Variants in PRKAR1A observed in about 807,000 individuals in gnomAD.
The protein encoded by PRKAR1A is protein kinase cAMP-dependent type I regulatory subunit alpha.
Under a neutral mutation model 52.0 loss-of-function variants are expected in PRKAR1A, and 3 were observed. That is an observed-to-expected ratio of 0.06 (90% CI 0.03 to 0.15). PRKAR1A has a LOEUF of 0.15. Among genes scored for constraint, PRKAR1A ranks in the 10% least tolerant of loss-of-function variants. The pLI is 1.00. For synonymous variants in PRKAR1A, 188 were observed against 168.4 expected (o/e 1.12, Z -0.90); for missense variants, 240 against 477.4 (o/e 0.50, Z 4.63).
the PRKAR1A span, among the ~76,000 whole-genome samples, chr17:68,438,355 T>C: frequency 6.6e-6 from 1 of 152,214 alleles, no homozygotes. Flanking sequence ...TCACCCCTTC[T>C]GAATTCTTTG....
the PRKAR1A span, among the ~76,000 whole-genome samples, chr17:68,486,359 C>T: frequency 6.6e-6 from 1 of 151,776 alleles, no homozygotes; most frequent in Admixed American, 6.6e-5. Flanking sequence ...TTCTCATCCC[C>T]CTCTTCCTCT....
At chr17:68,427,065 G>T in the PRKAR1A span, 1 of 1,281,270 alleles carries the variant, frequency 7.8e-7, no homozygotes, top group South Asian at 1.2e-5. Context: ...GAAGGGGAGG[G>T]AGCGTGCAGG....
chr17:68,526,685 A>T (rs1480709301), intron 7 of PRKAR1A, among the ~76,000 whole-genome samples: 1 of 151,984 alleles, frequency 6.6e-6, no homozygotes, highest in Non-Finnish European at 1.5e-5. Flanking sequence ...ACCAAACCAC[A>T]TGTTCTCACT....
the PRKAR1A span, among the ~76,000 whole-genome samples, chr17:68,500,415 C>A: frequency 2.6e-5 from 4 of 152,212 alleles, no homozygotes; most frequent in African/African-American, 9.6e-5. Context: ...GTAAGACATG[C>A]CTTTTGCCTT....
chr17:68,476,650 C>A, the PRKAR1A span, among the ~76,000 whole-genome samples: 1 of 150,946 alleles, frequency 6.6e-6, no homozygotes, highest in Non-Finnish European at 1.5e-5. Context: ...CTCCCTCCAT[C>A]CCTCCCTCTC....
At chr17:68,420,101 T>C in the PRKAR1A span, 2 of 1,449,880 alleles carry the variant, frequency 1.4e-6, no homozygotes, top group African/African-American at 2.8e-5. Flanking sequence ...TATGTTTGAA[T>C]TAATGTAGAA....
At chr17:68,455,278 G>T in the PRKAR1A span, among the ~76,000 whole-genome samples, 3 of 149,534 alleles carry the variant, frequency 2.0e-5, no homozygotes, top group Admixed American at 2.0e-4. Flanking sequence ...CAGGAGAATC[G>T]CTTGAACCCT....
chr17:68,529,851 G>C (rs145930467), intron 9 of PRKAR1A, 69 bp from the exon 10 acceptor site: 9 of 1,424,706 alleles, frequency 6.3e-6, no homozygotes, highest in African/African-American at 1.4e-5. Context: ...AAATTGCATA[G>C]GATGTTTAAG....
chr17:68,508,825 C>T (rs908374055), upstream of PRKAR1A, among the ~76,000 whole-genome samples: 2 of 152,024 alleles, frequency 1.3e-5, no homozygotes, highest in African/African-American at 2.4e-5. Flanking sequence ...GATAAACACC[C>T]CTCCTTAGTT....
At chr17:68,525,960 G>A (rs753533387) in intron 7 of PRKAR1A, 48 bp downstream of exon 7, 10 of 1,591,678 alleles carry the variant, frequency 6.3e-6, no homozygotes, top group South Asian at 2.2e-5. Context: ...TCTCATCTAC[G>A]TAACTAATGT....
At chr17:68,498,038 G>A in the PRKAR1A span, among the ~76,000 whole-genome samples, 10 of 151,782 alleles carry the variant, frequency 6.6e-5, no homozygotes, top group Admixed American at 1.3e-4. Context: ...TAAGCTAGAT[G>A]GATGCAACCA....
chr17:68,429,107 G>T, the PRKAR1A span, among the ~76,000 whole-genome samples: 83 of 152,186 alleles, frequency 5.5e-4, no homozygotes, highest in Non-Finnish European at 1.0e-3. Flanking sequence ...TCTGGCCTTG[G>T]GATCTACTTT....
At chr17:68,502,820 C>T in the PRKAR1A span, among the ~76,000 whole-genome samples, 2 of 148,398 alleles carry the variant, frequency 1.3e-5, no homozygotes, top group South Asian at 2.1e-4. Context: ...TGAGTAAATT[C>T]TTAGCTAAGA....
In PRKAR1A at chr17:68,532,345, A is replaced by T; in HGVS notation, c.*1896A>T. ...TGTATGTATATAATCATGCTCATGT[A>T]TATTTAGTTACGTATAATGCTTTCT... On this transcript the variant is annotated 3_prime_UTR_variant, in exon 11 of 11. Transcript: ENST00000589228. The T allele has an allele frequency of 9.5e-7, 1 of 1,055,092 alleles. No homozygotes were observed. The highest frequency in any genetic ancestry group is 1.1e-6 in the Non-Finnish European group (1 of 869,750). The allele number at this position is 1,055,092 out of a possible 1,614,324, so 65.4% of individuals were successfully genotyped here. A position where few individuals can be genotyped will look rare whatever the true frequency, so the allele number is the denominator to read the frequency against.
chr17:68,524,813 C>G lies in PRKAR1A; in HGVS notation c.503-99C>G, dbSNP rs1027243584. 8 of 914,580 alleles carry G rather than the reference C, an allele frequency of 8.7e-6. No individual in the cohort carries two copies. In the African/African-American group the frequency reaches 1.3e-4, roughly 15 times the overall value. 56.7% of individuals were successfully genotyped at this position (914,580 alleles called of 1,614,324 possible). ...ATTGTGTTAGTTTGTAACACACTCT[C>G]ACAGTACCACTGTAAAATAAGTTTA... On this transcript the variant is annotated intron_variant, in intron 5 of 10. Transcript: ENST00000589228.
chr17:68,533,177 T>C lies in PRKAR1A; in HGVS notation c.*2728T>C. The stretch of plus-strand genomic sequence containing the variant: ...TAGGGATACTTTTATATTTTGCATA[T>C]ATAAAGCCTCATATATAAAGCCTTA... On this transcript the variant is annotated 3_prime_UTR_variant, in exon 11 of 11. Transcript: ENST00000589228. 1 of 1,051,408 alleles carries C rather than the reference T, an allele frequency of 9.5e-7. No homozygotes were observed. Among genetic ancestry groups the C allele is most frequent in the Non-Finnish European group, 1.2e-6 (1 of 866,944 alleles). The allele number at this position is 1,051,408 out of a possible 1,614,324, so 65.1% of individuals were successfully genotyped here.
At chr17:68,475,907 GTTA>G in the PRKAR1A span, among the ~76,000 whole-genome samples, 1 of 151,920 alleles carries the variant, frequency 6.6e-6, no homozygotes, top group Non-Finnish European at 1.5e-5. Flanking sequence ...TAAGTTTTTT[GTTA>G]TTGTTGTTCT....
the PRKAR1A span, among the ~76,000 whole-genome samples, chr17:68,436,865 G>A: frequency 3.3e-5 from 5 of 152,176 alleles, no homozygotes; most frequent in East Asian, 1.9e-4. Context: ...ATGGTGGTGC[G>A]TGCCTATAGT....
chr17:68,514,855 T>C (rs907807729), intron 1 of PRKAR1A: 1 of 154,308 alleles, frequency 6.5e-6, no homozygotes, highest in African/African-American at 2.4e-5. Context: ...ATTTTGATTA[T>C]GCTAGTAGTT....
Sources: allele counts gnomAD v4.1 joint callset (sites outside exome capture counted in the v4.1 genomes callset), GRCh38; gene constraint gnomAD v4.1.1; transcripts MANE v1.5; gene names NCBI Gene and HGNC (gene_info 2026-07-23, HGNC 2026-07-21).